The following AMPD1 variants were observed in gnomAD, a reference collection of about 807,000 sequenced individuals.
The protein encoded by AMPD1 is AMP deaminase 1.
AMPD1 carries 74 observed loss-of-function variants against 82.9 expected under a neutral mutation model. The observed-to-expected ratio is 0.89, with a 90% confidence interval of 0.74 to 1.08. The LOEUF (loss-of-function observed/expected upper bound fraction) is 1.08. AMPD1 is among the 50% of genes least tolerant of loss of function. The pLI, the probability that AMPD1 is intolerant of heterozygous loss-of-function variation, is 0.00. For missense variants in AMPD1, 881 were observed against 924.5 expected, an observed-to-expected ratio of 0.95 and a Z score of 0.61; for synonymous variants, 333 against 320.5, an observed-to-expected ratio of 1.04 and a Z score of -0.42.
Position 114,675,928 on chromosome 1 carries a change from C to T in AMPD1, c.1464G>A (p.Glu488=), listed in dbSNP as rs80266556. 5.1e-3 allele frequency: 8,219 copies of T among 1,614,086 alleles called. 88 individuals are homozygous for T. Among genetic ancestry groups the T allele is most frequent in the South Asian group, 0.031 (2,793 of 91,084 alleles). The change falls in exon 11 of 16, where the codon GAG becomes GAA. Residue 488 remains glutamate, a synonymous_variant. Coordinates refer to ENST00000520113, the MANE Select transcript of AMPD1 (RefSeq NM_000036.3). ...GGTCAGCCTGGGGGTTGATGGTGGC[C>T]TCAAACACTGGCATGAAAATATTCT... ...MLENIFMPVF[E]ATINPQADPE... is the part of the protein sequence containing the mutation.
At position 114,673,225 on chromosome 1, in the gene AMPD1, A is replaced by T. The variant is rs2101709600; in HGVS notation, c.2133T>A (p.Ala711=). The change falls in exon 16 of 16, where the codon GCT becomes GCA. Residue 711 remains alanine, a synonymous_variant. Transcript: ENST00000520113. ...LGDNYLEEGP[A]GNDIRRTNVA... is the part of the protein sequence containing the mutation. ...CATTTGTCCTCCGGATATCATTTCCAGCAGGGCCTTCCTCAAGGTAATTGT... is the reference window on the plus strand; with the variant it reads ...CATTTGTCCTCCGGATATCATTTCCTGCAGGGCCTTCCTCAAGGTAATTGT... The T allele has an allele frequency of 6.2e-7, 1 of 1,614,188 alleles. No individual in the cohort carries two copies. Among genetic ancestry groups the T allele is most frequent in the Non-Finnish European group, 8.5e-7 (1 of 1,180,018 alleles).
At chr1:114,682,847 G>A (rs1287774207) in intron 5 of AMPD1, among the ~76,000 whole-genome samples, 1 of 152,108 alleles carries the variant, frequency 6.6e-6, no homozygotes, top group Non-Finnish European at 1.5e-5. Flanking sequence ...CAAAGTGCTG[G>A]GATTATAGGC....
rs752930580 is a variant in AMPD1, at chr1:114,688,527, CCA to C, written c.215+32_215+33del. 2.5e-6 allele frequency: 4 copies of C among 1,611,120 alleles called. No individual in the cohort carries two copies. In the South Asian group the frequency reaches 4.4e-5, roughly 18 times the overall value. ...CCTGGCAGATACCCCTCCTTAGGTGCCAATATACTAAGCACTCCCCTTACACC... is the reference window on the plus strand; with the variant it reads ...CCTGGCAGATACCCCTCCTTAGGTGCATATACTAAGCACTCCCCTTACACC... On this transcript the variant is annotated intron_variant, in intron 3 of 15. Coordinates refer to ENST00000520113, the MANE Select transcript of AMPD1 (RefSeq NM_000036.3).
intron 2 of AMPD1, among the ~76,000 whole-genome samples, chr1:114,690,710 C>T (rs1297431176): frequency 6.6e-6 from 1 of 152,102 alleles, no homozygotes; most frequent in East Asian, 1.9e-4. Flanking sequence ...AATGCCTCCA[C>T]ACCCTACTGC....
At chr1:114,693,626 C>T (rs1036877397) in intron 1 of AMPD1, among the ~76,000 whole-genome samples, 179 bp from the exon 2 acceptor site, 1 of 152,126 alleles carries the variant, frequency 6.6e-6, no homozygotes, top group African/African-American at 2.4e-5. Flanking sequence ...TTATACAGCT[C>T]TTCATTTTCT....
In AMPD1 at chr1:114,693,504, G is replaced by T. The variant is rs190159136; in HGVS notation, c.23-57C>A. On this transcript the variant is annotated intron_variant, in intron 1 of 15. Coordinates refer to ENST00000520113, the MANE Select transcript of AMPD1 (RefSeq NM_000036.3). ...ATGTGAACAACTTTCTGTAATCATG[G>T]TGGCTATTAATCACTGCTTTGGGGT... 1.4e-4 allele frequency: 212 copies of T among 1,509,344 alleles called. 1 individual carries two copies. Among genetic ancestry groups the T allele is most frequent in the Admixed American group, 1.2e-3 (70 of 59,790 alleles). 93.5% of individuals were successfully genotyped at this position (1,509,344 alleles called of 1,614,324 possible). A position where few individuals can be genotyped will look rare whatever the true frequency, so the allele number is the denominator to read the frequency against.
intron 3 of AMPD1, among the ~76,000 whole-genome samples, chr1:114,687,532 C>T (rs1338864410): frequency 6.6e-6 from 1 of 151,988 alleles, no homozygotes; most frequent in Non-Finnish European, 1.5e-5. Flanking sequence ...GATGTAAAAT[C>T]AAGAGAAAGA....
chr1:114,673,711 G>A lies in AMPD1; in HGVS notation c.2013C>T (p.Val671=). Residue 671 remains valine, a synonymous_variant, in exon 15 of 16, where the codon GTC becomes GTT. Coordinates refer to ENST00000520113, the MANE Select transcript of AMPD1 (RefSeq NM_000036.3). The part of the protein sequence containing the change: ...LMEEYAIAAQ[V]FKLSTCDMCE... The stretch of plus-strand genomic sequence containing the variant: ...ACATATCACAGGTGCTCAGCTTGAA[G>A]ACTTGTGCAGCAATAGCATATTCTT... 1.2e-6 allele frequency: 2 copies of A among 1,614,128 alleles called. No individual in the cohort carries two copies. The highest frequency in any genetic ancestry group is 1.1e-5 in the South Asian group (1 of 91,084).
Position 114,680,261 on chromosome 1 carries a change from A to G in AMPD1, c.765T>C (p.Pro255=). 1 of 1,613,358 alleles carries G rather than the reference A, an allele frequency of 6.2e-7. No individual in the cohort carries two copies. The highest frequency in any genetic ancestry group is 8.5e-7 in the Non-Finnish European group (1 of 1,179,842). Residue 255 remains proline (P), a splice_region_variant and synonymous_variant, in exon 6 of 16, where the codon CCT becomes CCC. Transcript: ENST00000520113. ...NFLLALIAQG[P]VKTYTHRRLK... is the part of the protein sequence containing the mutation. Reference sequence around the variant, plus strand: ...TTTAGGTCTCACTAAACACTTACACAGGTCCTTGAGCAATTAAAGCAAGTA... The same window carrying G: ...TTTAGGTCTCACTAAACACTTACACGGGTCCTTGAGCAATTAAAGCAAGTA...
intron 10 of AMPD1, among the ~76,000 whole-genome samples, chr1:114,676,956 A>G (rs1416588602): frequency 2.0e-5 from 3 of 152,146 alleles, no homozygotes; most frequent in African/African-American, 4.8e-5. Flanking sequence ...CAATTGACAG[A>G]CAGTAGTAAA....
chr1:114,682,069 C>T (rs534195539), intron 5 of AMPD1, among the ~76,000 whole-genome samples: 3 of 152,308 alleles, frequency 2.0e-5, no homozygotes, highest in Non-Finnish European at 2.9e-5. Context: ...GCCATGAACA[C>T]ATTTCGCACC....
At chr1:114,684,794 C>T (rs753225619) in intron 4 of AMPD1, among the ~76,000 whole-genome samples, 7 of 152,158 alleles carry the variant, frequency 4.6e-5, no homozygotes, top group Non-Finnish European at 5.9e-5. Flanking sequence ...TCAAACCACT[C>T]GGTCAGTGAG....
intron 11 of AMPD1, 38 bp from the exon 12 acceptor site, chr1:114,675,731 A>G: frequency 6.2e-7 from 1 of 1,613,976 alleles, no homozygotes; most frequent in Non-Finnish European, 8.5e-7. Flanking sequence ...GGTTCAGTCC[A>G]ACTTCAGGGT....
At chr1:114,677,250 G>A (rs1476446497) in intron 10 of AMPD1, 101 bp downstream of exon 10, 6 of 1,515,800 alleles carry the variant, frequency 4.0e-6, no homozygotes, top group Non-Finnish European at 5.5e-6. Flanking sequence ...TAACAAAGCT[G>A]ATTTATTTCT....
At chr1:114,675,483 G>A (rs1454596432) in intron 12 of AMPD1, 47 bp downstream of exon 12, 3 of 1,591,876 alleles carry the variant, frequency 1.9e-6, no homozygotes, top group Non-Finnish European at 2.6e-6. Flanking sequence ...TATGTGGAAA[G>A]AGCTGTGTCA....
rs111657846 is a variant in AMPD1 at position 114,673,856 on chromosome 1, G to A, written c.1974+53C>T. 8,379 of 1,596,500 alleles carry A rather than the reference G, an allele frequency of 5.2e-3. 92 individuals carry two copies. The highest frequency in any genetic ancestry group is 0.032 in the South Asian group (2,900 of 90,630). On this transcript the variant is annotated intron_variant, in intron 14 of 15. Coordinates refer to ENST00000520113, the MANE Select transcript of AMPD1 (RefSeq NM_000036.3). ...TTTATTTGACTTTCAAATTCTGGAC[G>A]GGAAACAACAGTCCAGCAAAATATG...
chr1:114,674,660 G>A, intron 13 of AMPD1, 92 bp downstream of exon 13: 2 of 1,460,718 alleles, frequency 1.4e-6, no homozygotes, highest in East Asian at 2.3e-5. Context: ...TGATTGCAGT[G>A]TCGATAATGA....
chr1:114,693,425 G>A lies in AMPD1; in HGVS notation c.34+11C>T, dbSNP rs1327173713. ...TCTGACAAATGGCAGCAAAAGTAAT[G>A]CAATACTCACGTTTCTCTTCAGCTG... is the stretch of plus-strand genomic sequence containing the variant. On this transcript the variant is annotated intron_variant, in intron 2 of 15. Transcript: ENST00000520113. 2 of 1,609,032 alleles carry A rather than the reference G, an allele frequency of 1.2e-6. No individual in the cohort carries two copies. Among genetic ancestry groups the A allele is most frequent in the Admixed American group, 1.7e-5 (1 of 59,960 alleles).
intron 4 of AMPD1, among the ~76,000 whole-genome samples, chr1:114,685,371 A>G (rs1658283606): frequency 6.6e-6 from 1 of 152,214 alleles, no homozygotes; most frequent in African/African-American, 2.4e-5. Flanking sequence ...AATAAGACTG[A>G]TTAAACTGAA....
Sources: gnomAD v4.1 joint callset for allele counts (sites outside exome capture counted in the v4.1 genomes callset) on GRCh38, gnomAD v4.1.1 for gene constraint, MANE v1.5 for transcripts, NCBI Gene and HGNC (gene_info 2026-07-23, HGNC 2026-07-21) for gene names.